WNT9A: variants seen among roughly 807,000 people sequenced by gnomAD.
The protein encoded by WNT9A is protein Wnt-9a.
In WNT9A, 8 loss-of-function variants were observed where a neutral mutation model predicts 31.4. The observed-to-expected ratio is 0.26, with a 90% CI of 0.15 to 0.46. WNT9A has a LOEUF of 0.46. Among genes scored for constraint, WNT9A ranks in the 20% least tolerant of loss-of-function variants. The pLI, the probability that WNT9A is intolerant of heterozygous loss-of-function variation, is 0.99. For synonymous variants in WNT9A, 236 were observed against 220.1 expected (o/e 1.07, Z -0.64); for missense variants, 457 against 522.9 (o/e 0.87, Z 1.23).
intron 1 of WNT9A, among the ~76,000 whole-genome samples, chr1:227,943,637 G>A (rs1050128815): frequency 1.3e-5 from 2 of 152,306 alleles, no homozygotes; most frequent in African/African-American, 4.8e-5. Context: ...ACTGCCGGCA[G>A]AAATGTAAGA....
chr1:227,928,844 A>G lies in WNT9A; in HGVS notation c.96-3325T>C, dbSNP rs1156665408. On this transcript the variant is annotated intron_variant, in intron 1 of 3. Coordinates refer to ENST00000272164, the MANE Select transcript of WNT9A (RefSeq NM_003395.4). This position sits in a 1 kb window ranked among gnomAD's most constrained non-coding sequence, Gnocchi z 4.5. ...TCTTCCGTGAGACTCAGAACTCAGA[A>G]GTCACTGAAAAGTGAATATATTTGA... Among the ~76,000 whole-genome samples the G allele has an allele frequency of 1.3e-5, 2 of 152,364 alleles. No homozygotes were observed. Among genetic ancestry groups the G allele is most frequent in the Admixed American group, 6.5e-5 (1 of 15,312 alleles).
rs1666396105 is a variant in WNT9A at position 227,925,222 on chromosome 1, C to T, written c.352+41G>A. ...ATATGGACAAGGCCTGGGCTGCCAC[C>T]TGTCTGGGGCCTTCCTGAGGGCCAG... On this transcript the variant is annotated intron_variant, in intron 2 of 3. Coordinates refer to ENST00000272164, the MANE Select transcript of WNT9A (RefSeq NM_003395.4). This position sits in a 1 kb window ranked among gnomAD's most constrained non-coding sequence, Gnocchi z 6.0. 3 of 1,487,910 alleles carry T rather than the reference C, an allele frequency of 2.0e-6. No homozygotes were observed. In the East Asian group the frequency reaches 7.3e-5, roughly 36 times the overall value. 92.2% of individuals were successfully genotyped at this position (1,487,910 alleles called of 1,614,324 possible). A position where few individuals can be genotyped will look rare whatever the true frequency, so the allele number is the denominator to read the frequency against.
intron 1 of WNT9A, among the ~76,000 whole-genome samples, chr1:227,927,987 GGGA>G (rs760452754): frequency 4.6e-5 from 7 of 151,894 alleles, no homozygotes; most frequent in Non-Finnish European, 8.8e-5. Flanking sequence ...AAGAGGGCAG[GGGA>G]GGAGGAGGAG....
intron 1 of WNT9A, among the ~76,000 whole-genome samples, chr1:227,933,036 T>C (rs1256430036): frequency 6.6e-6 from 1 of 152,232 alleles, no homozygotes; most frequent in East Asian, 1.9e-4. Context: ...ACCCTGTCCT[T>C]TGAAGCTTTG....
At chr1:227,929,880 A>C (rs590657) in intron 1 of WNT9A, among the ~76,000 whole-genome samples, 82,598 of 152,038 alleles carry the variant, frequency 0.54, 22,797 homozygotes, top group African/African-American at 0.65. Context: ...TGAGAAGGCA[A>C]TGTCTATGAA....
chr1:227,932,280 CTT>C (rs1215173009), intron 1 of WNT9A, among the ~76,000 whole-genome samples: 1 of 152,244 alleles, frequency 6.6e-6, no homozygotes, highest in African/African-American at 2.4e-5. Context: ...CAAGAAACCA[CTT>C]TCTTTGTTTA....
In WNT9A at chr1:227,921,341, G is replaced by T. The variant is rs568052668; in HGVS notation, c.*177C>A. On this transcript the variant is annotated 3_prime_UTR_variant, in exon 4 of 4. Coordinates refer to ENST00000272164, the MANE Select transcript of WNT9A (RefSeq NM_003395.4). Reference sequence around the variant, plus strand: ...CCAGGGACTCACCCCACGCTGCTAGGTCTGAGCCCAGGGACTCAGCCCATG... The same window carrying T: ...CCAGGGACTCACCCCACGCTGCTAGTTCTGAGCCCAGGGACTCAGCCCATG... 2.9e-6 allele frequency: 3 copies of T among 1,019,918 alleles called. No homozygotes were observed. In the East Asian group the frequency reaches 7.7e-5, roughly 26 times the overall value. The allele number at this position is 1,019,918 out of a possible 1,614,324, so 63.2% of individuals were successfully genotyped here.
At chr1:227,944,265 C>T (rs778199141) in intron 1 of WNT9A, among the ~76,000 whole-genome samples, 1 of 152,166 alleles carries the variant, frequency 6.6e-6, no homozygotes, top group African/African-American at 2.4e-5. Context: ...AAGCCAGGCG[C>T]GGAGGCCACA....
At chr1:227,938,468 C>T (rs925800388) in intron 1 of WNT9A, among the ~76,000 whole-genome samples, 4 of 151,820 alleles carry the variant, frequency 2.6e-5, no homozygotes, top group Non-Finnish European at 4.4e-5. Context: ...TGCATACACA[C>T]ATCCACAGGA....
rs775256163 is a variant in WNT9A, at chr1:227,921,624, T to A, written c.992A>T (p.Gln331Leu). ...SICCGRGHNT[Q>L]SRVVTRPCQC... is the part of the protein sequence containing the mutation. ...GCAGGGCCTTGTCACCACCCGGCTCTGTGTGTTATGGCCGCGGCCACAGCA... is the reference window on the plus strand; with the variant it reads ...GCAGGGCCTTGTCACCACCCGGCTCAGTGTGTTATGGCCGCGGCCACAGCA... Residue 331 changes from glutamine to leucine, a missense_variant, in exon 4 of 4, where the codon CAG (glutamine) becomes CTG (leucine). Transcript: ENST00000272164. The A allele has an allele frequency of 1.2e-6, 2 of 1,613,412 alleles. No homozygotes were observed. The highest frequency in any genetic ancestry group is 1.7e-6 in the Non-Finnish European group (2 of 1,179,984).
chr1:227,941,995 T>G (rs1031739453), intron 1 of WNT9A, among the ~76,000 whole-genome samples: 8 of 151,990 alleles, frequency 5.3e-5, no homozygotes, highest in African/African-American at 1.9e-4. Context: ...CCAGGAGGTA[T>G]CCGTGCCTGT....
intron 3 of WNT9A, among the ~76,000 whole-genome samples, 186 bp from the exon 4 acceptor site, chr1:227,922,186 C>T (rs1666331854): frequency 6.6e-6 from 1 of 152,212 alleles, no homozygotes; most frequent in East Asian, 1.9e-4. Flanking sequence ...TGTCCTACCT[C>T]CTCCAGGCTG....
chr1:227,935,196 G>C (rs918807894), intron 1 of WNT9A, among the ~76,000 whole-genome samples: 13 of 150,934 alleles, frequency 8.6e-5, no homozygotes, highest in African/African-American at 3.2e-4. Context: ...CACAGCCTCA[G>C]GTTGCCAAGC....
chr1:227,928,798 A>C lies in WNT9A; in HGVS notation c.96-3279T>G, dbSNP rs1466711323. Among the ~76,000 whole-genome samples, 1 of 152,330 alleles carries C rather than the reference A, an allele frequency of 6.6e-6. No homozygotes were observed. Among genetic ancestry groups the C allele is most frequent in the East Asian group, 1.9e-4 (1 of 5,188 alleles). ...AGAAGGGAGGAGTGGTTCCCAACAC[A>C]ACCTCAGAACAGAGAAGCTTTCTTC... On this transcript the variant is annotated intron_variant, in intron 1 of 3. Transcript: ENST00000272164. This position sits in a 1 kb window ranked among gnomAD's most constrained non-coding sequence, Gnocchi z 4.5.
rs376324710 is a variant in WNT9A at position 227,925,314 on chromosome 1, G to A, written c.301C>T (p.Arg101Cys). The A allele has an allele frequency of 1.1e-5, 17 of 1,600,206 alleles. No individual in the cohort carries two copies. The highest frequency in any genetic ancestry group is 2.3e-5 in the East Asian group (1 of 43,864). Reference sequence around the variant, plus strand: ...CGGCCCTCCAGCGTGCAGTTCCAGCGCTCAAAGCGGAACTGGAACTGGCAC... The same window carrying A: ...CGGCCCTCCAGCGTGCAGTTCCAGCACTCAAAGCGGAACTGGAACTGGCAC... Reference protein sequence around the residue: ...LECQFQFRFERWNCTLEGRYR... With the variant: ...LECQFQFRFECWNCTLEGRYR... Residue 101 changes from arginine to cysteine, a missense_variant, in exon 2 of 4, where the codon CGC becomes TGC. Arg to Cys is a radical substitution (Grantham distance 180, BLOSUM62 -3). Transcript: ENST00000272164. This position sits in a 1 kb window ranked among gnomAD's most constrained non-coding sequence, Gnocchi z 6.0.
At position 227,921,379 on chromosome 1, in the gene WNT9A, C is replaced by A; in HGVS notation, c.*139G>T. On this transcript the variant is annotated 3_prime_UTR_variant, in exon 4 of 4. Coordinates refer to ENST00000272164, the MANE Select transcript of WNT9A (RefSeq NM_003395.4). ...GACTCAGCCCATGCAGGTGTAGACC[C>A]ATTCACACTGTGTGCAATGCCTGTA... 1 of 1,364,672 alleles carries A rather than the reference C, an allele frequency of 7.3e-7. No homozygotes were observed. The highest frequency in any genetic ancestry group is 9.9e-7 in the Non-Finnish European group (1 of 1,007,708). The allele number at this position is 1,364,672 out of a possible 1,614,324, so 84.5% of individuals were successfully genotyped here.
chr1:227,924,592 C>T (rs1443672685), intron 2 of WNT9A, among the ~76,000 whole-genome samples, 192 bp from the exon 3 acceptor site: 2 of 151,962 alleles, frequency 1.3e-5, no homozygotes, highest in East Asian at 3.9e-4. Flanking sequence ...GTGTCCCAGG[C>T]GCAGGGCTGG....
chr1:227,923,046 A>AG (rs779084537), intron 3 of WNT9A, among the ~76,000 whole-genome samples: 1 of 152,192 alleles, frequency 6.6e-6, no homozygotes, highest in African/African-American at 2.4e-5. Context: ...GAAGAGGGGA[A>AG]GGGGGGTCAT....
chr1:227,921,453 G>A lies in WNT9A; in HGVS notation c.*65C>T. 2 of 1,558,346 alleles carry A rather than the reference G, an allele frequency of 1.3e-6. No individual in the cohort carries two copies. The highest frequency in any genetic ancestry group is 8.7e-7 in the Non-Finnish European group (1 of 1,150,404). ...GCCCAGGAACTCAGCCTGTGCAGGT[G>A]TAGACCCTTCACACCGTGTGCAATG... On this transcript the variant is annotated 3_prime_UTR_variant, in exon 4 of 4. Coordinates refer to ENST00000272164, the MANE Select transcript of WNT9A (RefSeq NM_003395.4).
Sources: allele counts gnomAD v4.1 joint callset (sites outside exome capture counted in the v4.1 genomes callset), GRCh38; gene constraint gnomAD v4.1.1; non-coding constraint Gnocchi (gnomAD v3.1); transcripts MANE v1.5; gene names NCBI Gene and HGNC (gene_info 2026-07-23, HGNC 2026-07-21).